SUMF1: variants seen among roughly 807,000 people sequenced by gnomAD.
The protein encoded by SUMF1 is sulfatase modifying factor 1, also known as formylglycine-generating enzyme.
Under a neutral mutation model 47.6 loss-of-function variants are expected in SUMF1, and 48 were observed. That is an observed-to-expected ratio of 1.01 (90% CI 0.80 to 1.28). The LOEUF (loss-of-function observed/expected upper bound fraction) is 1.28, where lower values mean the gene tolerates loss of function less well. Among genes scored for constraint, SUMF1 ranks in the 50% most tolerant of loss-of-function variants. The pLI is 0.00. For missense variants in SUMF1, 571 were observed against 485.4 expected, an observed-to-expected ratio of 1.18 and a Z score of -1.66; for synonymous variants, 230 against 192.1, an observed-to-expected ratio of 1.20 and a Z score of -1.63.
intron 8 of SUMF1, among the ~76,000 whole-genome samples, chr3:4,355,868 T>C (rs1290080689): frequency 6.6e-6 from 1 of 152,134 alleles, no homozygotes; most frequent in Non-Finnish European, 1.5e-5. Flanking sequence ...GACTCTGGGG[T>C]CAATTACTTT....
At chr3:4,059,796 GAAA>G (rs35902458) in intron 9 of SUMF1, among the ~76,000 whole-genome samples, 2 of 122,930 alleles carry the variant, frequency 1.6e-5, no homozygotes, top group Admixed American at 8.4e-5. Context: ...TGTCCCTGTG[GAAA>G]AAAAAAAAAA....
At chr3:4,165,798 C>T (rs997381374) in intron 8 of SUMF1, among the ~76,000 whole-genome samples, 6 of 132,326 alleles carry the variant, frequency 4.5e-5, no homozygotes, top group African/African-American at 1.4e-4. Flanking sequence ...CAAGGGTGAA[C>T]CTGTTGATGC....
chr3:4,091,084 C>A lies in SUMF1; in HGVS notation c.1015-22339G>T, dbSNP rs561198059. On this transcript the variant is annotated intron_variant and NMD_transcript_variant, in intron 8 of 12. Coordinates refer to the SUMF1 transcript ENST00000448413. The stretch of plus-strand genomic sequence containing the variant: ...CGACAGAACGAGACTCCATAAAAAA[C>A]AACAACAACAACAAAAAAAAAAACA... 2.1e-5 allele frequency among the ~76,000 whole-genome samples: 3 copies of A among 142,496 alleles called. No individual in the cohort carries two copies. The East Asian group carries it at 6.2e-4, about 29-fold the overall frequency. 93.5% of individuals were successfully genotyped at this position (142,496 alleles called of 152,430 possible).
chr3:4,043,970 TA>T (rs1195482871), intron 9 of SUMF1, among the ~76,000 whole-genome samples: 172 of 2,882 alleles, frequency 0.06, no homozygotes, highest in Non-Finnish European at 0.17. Context: ...ACTAGGCACA[TA>T]TTCCAAGGCT....
chr3:4,075,336 G>A (rs1692397673), intron 8 of SUMF1, among the ~76,000 whole-genome samples: 1 of 151,894 alleles, frequency 6.6e-6, no homozygotes, highest in Non-Finnish European at 1.5e-5. Context: ...TTGATGGAAC[G>A]TATCTCAAAA....
chr3:4,041,430 C>T (rs1353510804), intron 9 of SUMF1, among the ~76,000 whole-genome samples: 2 of 152,162 alleles, frequency 1.3e-5, no homozygotes, highest in Non-Finnish European at 2.9e-5. Flanking sequence ...TTCACGTTCA[C>T]CTGACACAAT....
intron 8 of SUMF1, among the ~76,000 whole-genome samples, chr3:4,243,205 A>G (rs1241610055): frequency 6.6e-6 from 1 of 152,150 alleles, no homozygotes; most frequent in Non-Finnish European, 1.5e-5. Context: ...GATCTTTTCA[A>G]TAAACCAGCT....
At chr3:4,293,877 G>T (rs1240167775) in intron 8 of SUMF1, among the ~76,000 whole-genome samples, 1 of 152,168 alleles carries the variant, frequency 6.6e-6, no homozygotes, top group Non-Finnish European at 1.5e-5. Context: ...CTAATTTCAA[G>T]ATTTCTAATC....
intron 7 of SUMF1, among the ~76,000 whole-genome samples, chr3:4,387,714 T>C (rs1380956011): frequency 6.6e-6 from 1 of 152,036 alleles, no homozygotes; most frequent in Non-Finnish European, 1.5e-5. Flanking sequence ...CACATGCAGT[T>C]CTGCAAATTT....
At chr3:4,286,387 T>A (rs1278955027) in intron 8 of SUMF1, among the ~76,000 whole-genome samples, 1 of 152,104 alleles carries the variant, frequency 6.6e-6, no homozygotes, top group Non-Finnish European at 1.5e-5. Flanking sequence ...CATCTTCTAA[T>A]ACAGCACAAA....
intron 8 of SUMF1, among the ~76,000 whole-genome samples, chr3:4,084,142 A>T (rs977265405): frequency 2.0e-5 from 3 of 152,248 alleles, no homozygotes; most frequent in Admixed American, 2.0e-4. Context: ...TTCCTTTGGA[A>T]GTCATTAAAT....
At chr3:4,391,639 T>C (rs1006465022) in intron 7 of SUMF1, among the ~76,000 whole-genome samples, 2 of 151,994 alleles carry the variant, frequency 1.3e-5, no homozygotes, top group African/African-American at 2.4e-5. Context: ...CATACCATGA[T>C]ACCTGACTAA....
intron 8 of SUMF1, among the ~76,000 whole-genome samples, chr3:4,325,472 G>A (rs550224962): frequency 1.3e-5 from 2 of 152,240 alleles, no homozygotes; most frequent in Non-Finnish European, 2.9e-5. Flanking sequence ...AATTCAGCCT[G>A]TACTACTGAG....
At chr3:4,335,960 CAAAAA>C (rs770091674) in intron 8 of SUMF1, among the ~76,000 whole-genome samples, 1 of 73,908 alleles carries the variant, frequency 1.4e-5, no homozygotes, top group African/African-American at 7.1e-5. Context: ...GATTCCAACT[CAAAAA>C]AAAAAAAAAA....
chr3:4,242,079 C>T (rs13088039), intron 8 of SUMF1, among the ~76,000 whole-genome samples: 14,925 of 152,138 alleles, frequency 0.098, 997 homozygotes, highest in Non-Finnish European at 0.15. Context: ...CTCTGTTTGC[C>T]TGTTCTTGGT....
intron 8 of SUMF1, among the ~76,000 whole-genome samples, chr3:4,150,449 C>A (rs1694292733): frequency 1.3e-5 from 2 of 151,094 alleles, no homozygotes; most frequent in East Asian, 1.9e-4. Flanking sequence ...GTAGTCCCAG[C>A]TACTTGGGAG....
intron 8 of SUMF1, among the ~76,000 whole-genome samples, chr3:4,184,650 GA>G (rs1475025625): frequency 1.7e-5 from 2 of 115,692 alleles, no homozygotes; most frequent in East Asian, 4.9e-4. Context: ...AATTTCCCTG[GA>G]TTTTTTTTTT....
intron 3 of SUMF1, among the ~76,000 whole-genome samples, chr3:4,421,849 CAAT>C (rs1701910374): frequency 6.6e-6 from 1 of 152,158 alleles, no homozygotes. Context: ...ATCCCCACAA[CAAT>C]GTTACTCTTT....
rs566514520 is a variant in SUMF1, at chr3:4,434,045, G to A, written c.520-13899C>T. On this transcript the variant is annotated intron_variant, in intron 3 of 8. Coordinates refer to ENST00000272902, the MANE Select transcript of SUMF1 (RefSeq NM_182760.4). ...GAGTGAAGTAAGTCAGGCACAAAAG[G>A]ACAAGGATTCCACTTACGTGAGGTA... 5.9e-5 allele frequency among the ~76,000 whole-genome samples: 9 copies of A among 152,310 alleles called. No individual in the cohort carries two copies. In the South Asian group the frequency reaches 1.9e-3, roughly 32 times the overall value.
Sources: allele counts gnomAD v4.1 joint callset (sites outside exome capture counted in the v4.1 genomes callset), GRCh38; gene constraint gnomAD v4.1.1; transcripts MANE v1.5; gene names NCBI Gene and HGNC (gene_info 2026-07-23, HGNC 2026-07-21).